Variants in ELFN2 observed in about 807,000 individuals in gnomAD.
The protein encoded by ELFN2 is extracellular leucine rich repeat and fibronectin type III domain containing 2.
In ELFN2, 17 loss-of-function variants were observed where a neutral mutation model predicts 45.5. The ratio of observed to expected loss-of-function variants is 0.37; its 90% confidence interval spans 0.26 to 0.56. The LOEUF (loss-of-function observed/expected upper bound fraction) is 0.56, where lower values mean the gene tolerates loss of function less well. Ranked by LOEUF, ELFN2 falls within the 20% of genes least tolerant of loss-of-function variation. The pLI is 0.77. For synonymous variants in ELFN2, 550 were observed against 551.5 expected (o/e 1.00, Z 0.04); for missense variants, 922 against 1,183.2 (o/e 0.78, Z 3.24).
chr22:37,378,301 TTC>T (rs1316769147), intron 2 of ELFN2, among the ~76,000 whole-genome samples: 2 of 152,224 alleles, frequency 1.3e-5, no homozygotes, highest in Non-Finnish European at 2.9e-5. Context: ...TACATGTGTG[TTC>T]TGTGTGTTCT....
chr22:37,415,494 T>C (rs1020838174), intron 2 of ELFN2, among the ~76,000 whole-genome samples: 2 of 152,018 alleles, frequency 1.3e-5, no homozygotes, highest in African/African-American at 4.8e-5. Flanking sequence ...GCCACCAGGG[T>C]ACTATGTGCC....
At chr22:37,390,840 CA>C (rs748596787) in intron 2 of ELFN2, among the ~76,000 whole-genome samples, 17 of 152,260 alleles carry the variant, frequency 1.1e-4, no homozygotes, top group Middle Eastern at 6.8e-3. Flanking sequence ...CCCAGCAACA[CA>C]CAGTTTTCTG....
At chr22:37,423,643 C>G (rs978594291) in intron 1 of ELFN2, among the ~76,000 whole-genome samples, 2 of 152,150 alleles carry the variant, frequency 1.3e-5, no homozygotes, top group Non-Finnish European at 2.9e-5. Context: ...GGGCCTGGCT[C>G]TCAGTAGGGG....
chr22:37,390,175 G>C (rs115431606), intron 2 of ELFN2, among the ~76,000 whole-genome samples: 2,154 of 152,344 alleles, frequency 0.014, 39 homozygotes, highest in African/African-American at 0.049. Context: ...GACTGCTTGT[G>C]ATGAGGACCA....
At chr22:37,346,628 A>G (rs1334273907) in intron 1 of ELFN2, among the ~76,000 whole-genome samples, 2 of 152,206 alleles carry the variant, frequency 1.3e-5, no homozygotes, top group African/African-American at 4.8e-5. Context: ...CCATGGAAAT[A>G]AAGAATTCCT....
intron 1 of ELFN2, among the ~76,000 whole-genome samples, chr22:37,358,403 G>A (rs568259680): frequency 6.6e-6 from 1 of 152,346 alleles, no homozygotes; most frequent in African/African-American, 2.4e-5. Flanking sequence ...CAGGTCCGCC[G>A]GGGCGAGCCT....
chr22:37,351,090 C>T (rs1174166186), intron 1 of ELFN2, among the ~76,000 whole-genome samples: 2 of 150,368 alleles, frequency 1.3e-5, no homozygotes, highest in African/African-American at 4.8e-5. Flanking sequence ...CCAGCCAACC[C>T]TCCTCCCTTG....
At chr22:37,350,109 C>T (rs1055933252) in intron 1 of ELFN2, among the ~76,000 whole-genome samples, 1 of 150,908 alleles carries the variant, frequency 6.6e-6, no homozygotes, top group African/African-American at 2.4e-5. Context: ...CACCCAGAGA[C>T]GCCCTTGTCG....
In ELFN2 at chr22:37,375,205, CA is replaced by C; in HGVS notation, c.329del (p.Leu110ArgfsTer9). On this transcript the variant is annotated frameshift_variant, in exon 3 of 3. Coordinates refer to ENST00000402918, the MANE Select transcript of ELFN2 (RefSeq NM_052906.5). LOFTEE classifies it high-confidence loss of function. Reference sequence around the variant, plus strand: ...TCAGGTTGCTGAGCTTGTTGTAGCCCAGCTGCAGGACCTGCAGGCTCGACTG... The same window carrying C: ...TCAGGTTGCTGAGCTTGTTGTAGCCCGCTGCAGGACCTGCAGGCTCGACTG... Reference protein sequence around the residue: ...LGQSSLQVLQLGYNKLSNLTE... With the variant: ...LGQSSLQVLQXGYNKLSNLTE... The C allele has an allele frequency of 6.2e-7, 1 of 1,614,134 alleles. No homozygotes were observed. The highest frequency in any genetic ancestry group is 8.5e-7 in the Non-Finnish European group (1 of 1,180,022).
chr22:37,380,723 G>T lies in ELFN2; in HGVS notation c.-462-4727C>A, dbSNP rs1601750236. On this transcript the variant is annotated intron_variant, in intron 2 of 2. Transcript: ENST00000402918. ...ACCAAGGACTCCTGGGGCCCAGCCA[G>T]ATCTCTCAGGTAGGCAGCTGCCTCA... Among the ~76,000 whole-genome samples, 3 of 152,174 alleles carry T rather than the reference G, an allele frequency of 2.0e-5. No homozygotes were observed. The South Asian group carries it at 6.2e-4, about 31-fold the overall frequency.
rs1216259111 is a variant in ELFN2 at position 37,417,879 on chromosome 22, C to CA, written c.-574dup. The CA allele has an allele frequency of 1.3e-5, 2 of 152,548 alleles. No individual in the cohort carries two copies. Among genetic ancestry groups the CA allele is most frequent in the Non-Finnish European group, 1.5e-5 (1 of 68,408 alleles). The allele number at this position is 152,548 out of a possible 1,614,324, so 9.4% of individuals were successfully genotyped here. On this transcript the variant is annotated 5_prime_UTR_variant, in exon 2 of 3. Coordinates refer to ENST00000402918, the MANE Select transcript of ELFN2 (RefSeq NM_052906.5). This position sits in a 1 kb window ranked among gnomAD's most constrained non-coding sequence, Gnocchi z 4.5. ...AGCAATGAGATCTCAGGTCCTGGCC[C>CA]AGCCCGGGTGGCAGCAGCTCCTCAC...
chr22:37,400,561 G>C (rs1569139866), intron 2 of ELFN2, among the ~76,000 whole-genome samples: 1 of 152,218 alleles, frequency 6.6e-6, no homozygotes, highest in Admixed American at 6.5e-5. Context: ...CCATTAGACA[G>C]ATGGGAGCCT....
In ELFN2 at chr22:37,374,879, C is replaced by G. The variant is rs572323623; in HGVS notation, c.656G>C (p.Arg219Pro). The G allele has an allele frequency of 1.2e-5, 20 of 1,610,366 alleles. No individual in the cohort carries two copies. Among genetic ancestry groups the G allele is most frequent in the Non-Finnish European group, 1.6e-5 (19 of 1,179,848 alleles). The change falls in exon 3 of 3, where the codon CGG becomes CCG. Residue 219 changes from arginine (R) to proline (P), a missense_variant. By Grantham distance (103) the Arg-to-Pro change is moderately radical. Around this residue, in one of 2 missense-constraint regions of ELFN2, gnomAD observed 358 missense variants for 540.4 expected, o/e 0.66. Transcript: ENST00000402918. The stretch of plus-strand genomic sequence containing the variant: ...CAGCAGCGGGTAGCCGGCAAACTCC[C>G]GCGGCGACTCACACTGCAGGCGGTC... ...NYDRLQCESPREFAGYPLLVP... is the reference protein window; with the variant it reads ...NYDRLQCESPPEFAGYPLLVP...
chr22:37,395,531 G>T (rs1266836858), intron 2 of ELFN2, among the ~76,000 whole-genome samples: 1 of 152,172 alleles, frequency 6.6e-6, no homozygotes, highest in African/African-American at 2.4e-5. Context: ...GCTCTGCCCA[G>T]ATCTCCTTCC....
chr22:37,361,481 C>G (rs149640145), intron 1 of ELFN2, among the ~76,000 whole-genome samples: 2,523 of 152,072 alleles, frequency 0.017, 39 homozygotes, highest in Middle Eastern at 0.068. Context: ...CCCGCAGGGT[C>G]GTTCCCTCCT....
intron 1 of ELFN2, among the ~76,000 whole-genome samples, chr22:37,344,579 C>T (rs1437676594): frequency 2.0e-5 from 3 of 152,044 alleles, no homozygotes; most frequent in African/African-American, 4.8e-5. Flanking sequence ...ACATTCCTCC[C>T]GGCCCTCATC....
At chr22:37,402,680 G>T (rs1932394750) in intron 2 of ELFN2, among the ~76,000 whole-genome samples, 1 of 152,168 alleles carries the variant, frequency 6.6e-6, no homozygotes, top group African/African-American at 2.4e-5. Context: ...CACCACGACA[G>T]GTTCAGGGAA....
Position 37,401,751 on chromosome 22 carries a change from G to A in ELFN2, c.-463+16018C>T, listed in dbSNP as rs186549692. Among the ~76,000 whole-genome samples the A allele has an allele frequency of 1.1e-4, 16 of 152,326 alleles. No homozygotes were observed. In the East Asian group the frequency reaches 2.5e-3, roughly 24 times the overall value. ...TCCCTTTAATGCATGCAAACGAGGGGCATAAATTTCTGCTTACTTAACTTC... is the reference window on the plus strand; with the variant it reads ...TCCCTTTAATGCATGCAAACGAGGGACATAAATTTCTGCTTACTTAACTTC... On this transcript the variant is annotated intron_variant, in intron 2 of 2. Transcript: ENST00000402918.
chr22:37,363,770 C>T (rs1404713587), downstream of ELFN2, among the ~76,000 whole-genome samples: 1 of 152,186 alleles, frequency 6.6e-6, no homozygotes, highest in Non-Finnish European at 1.5e-5. Flanking sequence ...TGACATGTCC[C>T]CACATGCCTG....
Sources: allele counts gnomAD v4.1 joint callset (sites outside exome capture counted in the v4.1 genomes callset), GRCh38; gene constraint gnomAD v4.1.1; regional missense constraint gnomAD v4.1.1; non-coding constraint Gnocchi (gnomAD v3.1); transcripts MANE v1.5; gene names NCBI Gene and HGNC (gene_info 2026-07-23, HGNC 2026-07-21).